TPTE2: variants seen among roughly 807,000 people sequenced by gnomAD.
TPTE2 encodes the protein phosphatidylinositol 3,4,5-trisphosphate 3-phosphatase TPTE2.
In TPTE2, 53 loss-of-function variants were observed where a neutral mutation model predicts 78.6. The ratio of observed to expected loss-of-function variants is 0.67; its 90% CI spans 0.54 to 0.85. The LOEUF is 0.85. Among genes scored for constraint, TPTE2 ranks in the 40% least tolerant of loss-of-function variants. TPTE2 has a pLI of 0.00. For synonymous variants in TPTE2, 175 were observed against 206.2 expected (o/e 0.85, Z 1.30); for missense variants, 461 against 623.0 (o/e 0.74, Z 2.77).
the TPTE2 span, among the ~76,000 whole-genome samples, chr13:19,543,014 G>A: frequency 6.6e-6 from 1 of 151,472 alleles, no homozygotes; most frequent in Non-Finnish European, 1.5e-5. Context: ...TCGTATCTTA[G>A]GATTATAAAC....
chr13:19,444,230 C>T (rs1214455138), intron 13 of TPTE2, among the ~76,000 whole-genome samples: 6 of 137,200 alleles, frequency 4.4e-5, no homozygotes, highest in Non-Finnish European at 9.1e-5. Flanking sequence ...CACCTGAGCC[C>T]AGGGAGGTTG....
chr13:19,492,769 T>C, intron 3 of TPTE2, 81 bp downstream of exon 6: 1 of 1,567,668 alleles, frequency 6.4e-7, no homozygotes, highest in East Asian at 2.2e-5. Context: ...GATGGATGGA[T>C]ATATTTGTGT....
the TPTE2 span, among the ~76,000 whole-genome samples, chr13:19,550,834 C>T: frequency 6.6e-6 from 1 of 151,256 alleles, no homozygotes; most frequent in Admixed American, 6.6e-5. Flanking sequence ...TTCACTCTGT[C>T]GCCCTGGCTA....
intron 4 of TPTE2, 66 bp downstream of exon 7, chr13:19,482,422 C>G: frequency 1.3e-6 from 2 of 1,569,744 alleles, no homozygotes; most frequent in East Asian, 4.6e-5. Context: ...TTAGCGGAAG[C>G]CCTGTTTCAC....
Position 19,535,279 on chromosome 13 carries a change from T to C in TPTE2, c.-44+1317A>G, listed in dbSNP as rs1348886721. On this transcript the variant is annotated intron_variant, in intron 1 of 17. Coordinates refer to the TPTE2 transcript ENST00000390680. This position sits in a 1 kb window ranked among gnomAD's most constrained non-coding sequence, Gnocchi z 5.1. Reference sequence around the variant, plus strand: ...AAGAATCTAAGGATAACACCTTCTTTAGAACCAAATGTATAAATAGTCAAA... The same window carrying C: ...AAGAATCTAAGGATAACACCTTCTTCAGAACCAAATGTATAAATAGTCAAA... Among the ~76,000 whole-genome samples the C allele has an allele frequency of 6.6e-6, 1 of 151,964 alleles. No homozygotes were observed. The highest frequency in any genetic ancestry group is 6.6e-5 in the Admixed American group (1 of 15,264).
chr13:19,479,807 C>CA (rs1385659882), intron 4 of TPTE2, among the ~76,000 whole-genome samples: 7 of 151,768 alleles, frequency 4.6e-5, no homozygotes, highest in South Asian at 2.1e-4. Flanking sequence ...ACTAAAAATA[C>CA]AAAAAATTAG....
the TPTE2 span, chr13:19,561,051 C>T: frequency 6.3e-7 from 1 of 1,575,280 alleles, no homozygotes; most frequent in Non-Finnish European, 8.6e-7. Flanking sequence ...GAGCTGAGCA[C>T]CAGCTTCCCA....
At chr13:19,455,362 C>T (rs1878475854) in intron 10 of TPTE2, among the ~76,000 whole-genome samples, 1 of 152,200 alleles carries the variant, frequency 6.6e-6, no homozygotes, top group Non-Finnish European at 1.5e-5. Context: ...AATCCAAGCC[C>T]TCACATTTCA....
upstream of TPTE2, among the ~76,000 whole-genome samples, chr13:19,537,209 T>C (rs1403512257): frequency 6.6e-6 from 1 of 151,594 alleles, no homozygotes; most frequent in Non-Finnish European, 1.5e-5. Context: ...TTGCCCACTA[T>C]TTTGGGGGGT....
At chr13:19,550,599 C>T in the TPTE2 span, among the ~76,000 whole-genome samples, 4,484 of 152,244 alleles carry the variant, frequency 0.029, 183 homozygotes, top group African/African-American at 0.088. Flanking sequence ...TTACTCCTCA[C>T]ACCAATCTCA....
chr13:19,462,538 CTT>C (rs34343811), intron 10 of TPTE2, among the ~76,000 whole-genome samples: 41 of 143,458 alleles, frequency 2.9e-4, no homozygotes, highest in Admixed American at 6.3e-4. Flanking sequence ...TTAACATTTC[CTT>C]TTTTTTTTTT....
At chr13:19,445,940 CAAAACAA>C (rs529457379) in intron 13 of TPTE2, among the ~76,000 whole-genome samples, 1,626 of 151,496 alleles carry the variant, frequency 0.011, 23 homozygotes, top group African/African-American at 0.037. Flanking sequence ...GACCTTATCT[CAAAACAA>C]AAAACAAAAA....
chr13:19,446,570 G>T (rs1433877931), intron 13 of TPTE2, among the ~76,000 whole-genome samples: 2 of 152,168 alleles, frequency 1.3e-5, no homozygotes, highest in African/African-American at 4.8e-5. Context: ...CAGTATAGGG[G>T]TGAATTTCAT....
intron 3 of TPTE2, among the ~76,000 whole-genome samples, chr13:19,483,841 C>T (rs1401387107): frequency 2.0e-5 from 3 of 152,032 alleles, no homozygotes; most frequent in African/African-American, 7.2e-5. Flanking sequence ...AGGTTTGTTA[C>T]ATATGTATAC....
the TPTE2 span, among the ~76,000 whole-genome samples, chr13:19,547,720 CATATAT>C: frequency 5.8e-3 from 684 of 118,860 alleles, 17 homozygotes; most frequent in African/African-American, 0.017. Context: ...AATAAATATA[CATATAT>C]ATATATATAT....
At chr13:19,556,916 T>C in the TPTE2 span, among the ~76,000 whole-genome samples, 2 of 85,080 alleles carry the variant, frequency 2.4e-5, no homozygotes, top group African/African-American at 5.3e-5. Context: ...AAACCAAATT[T>C]AATGTCAAGC....
intron 1 of TPTE2, among the ~76,000 whole-genome samples, chr13:19,499,943 C>T (rs149116403): frequency 0.05 from 5,883 of 117,266 alleles, 1,103 homozygotes; most frequent in African/African-American, 0.19. Flanking sequence ...ATCTATTAAA[C>T]GCAATAAAAA....
At chr13:19,560,342 G>A in the TPTE2 span, 35 of 1,571,472 alleles carry the variant, frequency 2.2e-5, no homozygotes, top group African/African-American at 3.6e-4. Context: ...GACTGCAGCC[G>A]CCGCACCAGT....
At chr13:19,515,220 A>T (rs1022240732) in intron 1 of TPTE2, among the ~76,000 whole-genome samples, 2 of 152,234 alleles carry the variant, frequency 1.3e-5, no homozygotes, top group Non-Finnish European at 2.9e-5. Context: ...AAATAAGTTT[A>T]AGAAACTGAT....
Sources: gnomAD v4.1 joint callset for allele counts (sites outside exome capture counted in the v4.1 genomes callset) on GRCh38, gnomAD v4.1.1 for gene constraint, Gnocchi (gnomAD v3.1) non-coding constraint, MANE v1.5 for transcripts, NCBI Gene and HGNC (gene_info 2026-07-23, HGNC 2026-07-21) for gene names.